Variants in CA8 observed in about 807,000 individuals in gnomAD.
CA8 encodes the protein carbonic anhydrase 8 (inactive).
CA8 carries 22 observed loss-of-function variants against 41.4 expected under a neutral mutation model. The ratio of observed to expected loss-of-function variants is 0.53; its 90% CI spans 0.38 to 0.76. The LOEUF (loss-of-function observed/expected upper bound fraction) is 0.76. CA8 is among the 30% of genes least tolerant of loss of function. The probability of loss-of-function intolerance (pLI) is 0.00; values close to 1 mark genes in which losing one functional copy is unlikely to be tolerated. For synonymous variants in CA8, 121 were observed against 130.6 expected (o/e 0.93, Z 0.50); for missense variants, 270 against 352.8 (o/e 0.77, Z 1.88).
In CA8 at chr8:60,269,839, T is replaced by C. The variant is rs551885643; in HGVS notation, c.293-3790A>G. 5.1e-4 allele frequency among the ~76,000 whole-genome samples: 78 copies of C among 151,890 alleles called. 1 individual carries two copies. The South Asian group carries it at 0.016, about 31-fold the overall frequency. ...AACTGAATAGTCTAAATAGAACACA[T>C]CAAGAGCAGGAAAGGGTAGCAGGAG... On this transcript the variant is annotated intron_variant, in intron 2 of 8. Coordinates refer to ENST00000317995, the MANE Select transcript of CA8 (RefSeq NM_004056.6).
Position 60,279,679 on chromosome 8 carries a change from T to G in CA8, c.292+10A>C, listed in dbSNP as rs777655754. 23 of 1,612,222 alleles carry G rather than the reference T, an allele frequency of 1.4e-5. No homozygotes were observed. The highest frequency in any genetic ancestry group is 3.3e-4 in the Middle Eastern group (2 of 6,046). ...TTTAAAAGACCACACAAACATATTTTCTAAAATACCTGATTTTGACTTCAG... is the reference window on the plus strand; with the variant it reads ...TTTAAAAGACCACACAAACATATTTGCTAAAATACCTGATTTTGACTTCAG... On this transcript the variant is annotated intron_variant, in intron 2 of 8. Coordinates refer to ENST00000317995, the MANE Select transcript of CA8 (RefSeq NM_004056.6).
chr8:60,217,533 C>A (rs973191902), intron 7 of CA8, among the ~76,000 whole-genome samples: 1 of 152,164 alleles, frequency 6.6e-6, no homozygotes, highest in African/African-American at 2.4e-5. Flanking sequence ...TGAATCAGTT[C>A]TTTTCTCTCC....
chr8:60,207,370 C>T (rs1356185500), intron 8 of CA8, among the ~76,000 whole-genome samples: 1 of 152,216 alleles, frequency 6.6e-6, no homozygotes, highest in Non-Finnish European at 1.5e-5. Context: ...GTCCCTATTT[C>T]AACCCAGACT....
chr8:60,271,529 G>A (rs550208051), intron 2 of CA8, among the ~76,000 whole-genome samples: 2 of 152,252 alleles, frequency 1.3e-5, no homozygotes, highest in Admixed American at 1.3e-4. Flanking sequence ...GTTTGGGGGG[G>A]AAAAGTAGGA....
At chr8:60,241,968 G>A (rs529561704) in intron 3 of CA8, among the ~76,000 whole-genome samples, 11 of 152,256 alleles carry the variant, frequency 7.2e-5, no homozygotes, top group Non-Finnish European at 4.4e-5. Flanking sequence ...TGAGAGCCAC[G>A]ATGATGAAAG....
intron 3 of CA8, among the ~76,000 whole-genome samples, chr8:60,262,335 C>CAAAAAAAAA: frequency 9.1e-6 from 1 of 109,324 alleles, no homozygotes; most frequent in Admixed American, 9.7e-5. Flanking sequence ...AGCAAAATGG[C>CAAAAAAAAA]AAAAAAAAAA....
chr8:60,223,551 T>C (rs138844266), intron 6 of CA8, among the ~76,000 whole-genome samples: 4 of 152,336 alleles, frequency 2.6e-5, no homozygotes, highest in South Asian at 2.1e-4. Context: ...TCCCAAAGTG[T>C]TGGGATTACA....
At chr8:60,195,814 T>C (rs1806264433) in intron 8 of CA8, among the ~76,000 whole-genome samples, 1 of 152,114 alleles carries the variant, frequency 6.6e-6, no homozygotes. Context: ...AGCAACGGCA[T>C]ATAGACACCT....
Position 60,222,637 on chromosome 8 carries a change from T to C in CA8, c.738+12A>G. On this transcript the variant is annotated intron_variant, in intron 7 of 8. Coordinates refer to ENST00000317995, the MANE Select transcript of CA8 (RefSeq NM_004056.6). ...GAACTTCACTCTGAAAGATTCAAAG[T>C]AGCACACTCACCTGTAGCTGGGATA... The C allele has an allele frequency of 1.4e-6, 2 of 1,458,758 alleles. No homozygotes were observed. The highest frequency in any genetic ancestry group is 1.9e-6 in the Non-Finnish European group (2 of 1,038,148). 90.4% of individuals were successfully genotyped at this position (1,458,758 alleles called of 1,614,324 possible). A position where few individuals can be genotyped will look rare whatever the true frequency, so the allele number is the denominator to read the frequency against.
At position 60,189,870 on chromosome 8, in the gene CA8, C is replaced by A. The variant is rs946570370; in HGVS notation, c.*151G>T. On this transcript the variant is annotated 3_prime_UTR_variant, in exon 9 of 9. Transcript: ENST00000317995. ...GTGTACAGGCAACCATCACAGATGT[C>A]CATCAAAGCTGGATTAGATGAAGAC... 6.6e-6 allele frequency: 1 copy of A among 152,268 alleles called. No individual in the cohort carries two copies. Among genetic ancestry groups the A allele is most frequent in the African/African-American group, 2.4e-5 (1 of 41,346 alleles). The allele number at this position is 152,268 out of a possible 1,614,324, so 9.4% of individuals were successfully genotyped here.
chr8:60,237,646 T>TGTG (rs1807879457), intron 3 of CA8, among the ~76,000 whole-genome samples: 1 of 152,208 alleles, frequency 6.6e-6, no homozygotes, highest in African/African-American at 2.4e-5. Context: ...AGGGGCTGCC[T>TGTG]CTTGCAGCCT....
At chr8:60,279,115 TTAAATAAA>T (rs140904427) in intron 2 of CA8, among the ~76,000 whole-genome samples, 63,040 of 151,144 alleles carry the variant, frequency 0.42, 13,329 homozygotes, top group African/African-American at 0.49. Context: ...GGGATGGAAC[TTAAATAAA>T]TAAATAAATA....
chr8:60,234,343 G>A (rs1287744068), intron 3 of CA8, among the ~76,000 whole-genome samples: 1 of 152,152 alleles, frequency 6.6e-6, no homozygotes, highest in Non-Finnish European at 1.5e-5. Context: ...TGCCATAGGT[G>A]AGATCCCAGA....
chr8:60,206,034 A>G (rs1806565267), intron 8 of CA8, among the ~76,000 whole-genome samples: 1 of 152,210 alleles, frequency 6.6e-6, no homozygotes, highest in Admixed American at 6.5e-5. Flanking sequence ...CTGATTCCCA[A>G]TATAATTTTT....
intron 3 of CA8, among the ~76,000 whole-genome samples, chr8:60,238,914 T>A (rs980925884): frequency 2.0e-5 from 3 of 151,968 alleles, no homozygotes; most frequent in Middle Eastern, 3.4e-3. Context: ...TGATGGGCAT[T>A]TGACAGAAAG....
At chr8:60,258,359 G>A (rs985183741) in intron 3 of CA8, among the ~76,000 whole-genome samples, 5 of 152,080 alleles carry the variant, frequency 3.3e-5, no homozygotes, top group Non-Finnish European at 5.9e-5. Flanking sequence ...AGGAAAAAAC[G>A]AACTATTAAT....
intron 7 of CA8, among the ~76,000 whole-genome samples, chr8:60,209,478 C>T (rs1447328987): frequency 6.6e-6 from 1 of 152,162 alleles, no homozygotes; most frequent in Non-Finnish European, 1.5e-5. Context: ...GAGCCAGACT[C>T]CATCTCCAAA....
In CA8 at chr8:60,186,083, C is replaced by CA. The variant is rs552508922; in HGVS notation, c.*3937dup. ...CAGATGGTGACTCAAATTTACAAGA[C>CA]AAAATGAACATAACCAGAAATGGTA... On this transcript the variant is annotated 3_prime_UTR_variant, in exon 9 of 9. Transcript: ENST00000317995. 4.7e-4 allele frequency among the ~76,000 whole-genome samples: 71 copies of CA among 151,924 alleles called. No individual in the cohort carries two copies. Among genetic ancestry groups the CA allele is most frequent in the Non-Finnish European group, 9.0e-4 (61 of 67,912 alleles).
intron 8 of CA8, among the ~76,000 whole-genome samples, chr8:60,207,913 A>G (rs1393257346): frequency 1.3e-5 from 2 of 151,970 alleles, no homozygotes; most frequent in Non-Finnish European, 2.9e-5. Context: ...ATGCCACCAC[A>G]CCCAGCTAAT....
Sources: gnomAD v4.1 joint callset for allele counts (sites outside exome capture counted in the v4.1 genomes callset) on GRCh38, gnomAD v4.1.1 for gene constraint, MANE v1.5 for transcripts, NCBI Gene and HGNC (gene_info 2026-07-23, HGNC 2026-07-21) for gene names.